Variants in NDRG1 observed in about 807,000 individuals in gnomAD.
The protein encoded by NDRG1 is protein NDRG1.
A neutral mutation model predicts 56.9 loss-of-function variants in NDRG1; 32 were observed. The observed-to-expected ratio is 0.56, with a 90% CI of 0.42 to 0.76. NDRG1 has a LOEUF of 0.76. NDRG1 is among the 30% of genes least tolerant of loss of function. The pLI is 0.00. For synonymous variants in NDRG1, 211 were observed against 204.1 expected, an observed-to-expected ratio of 1.03 and a Z score of -0.29; for missense variants, 507 against 545.7, an observed-to-expected ratio of 0.93 and a Z score of 0.71.
chr8:133,281,382 TTTC>T (rs1186785575), intron 2 of NDRG1, among the ~76,000 whole-genome samples: 1 of 148,192 alleles, frequency 6.7e-6, no homozygotes, highest in Non-Finnish European at 1.5e-5. Context: ...AAAATCTGAG[TTTC>T]AGCCCAAATT....
intron 3 of NDRG1, among the ~76,000 whole-genome samples, chr8:133,265,633 C>CT (rs1856880235): frequency 6.6e-6 from 1 of 152,118 alleles, no homozygotes; most frequent in African/African-American, 2.4e-5. Context: ...CCAGTCATCC[C>CT]TGCACCTCTC....
chr8:133,288,935 C>G (rs550352685), intron 1 of NDRG1, among the ~76,000 whole-genome samples: 2 of 152,334 alleles, frequency 1.3e-5, no homozygotes, highest in African/African-American at 4.8e-5. Flanking sequence ...TTCCCATCCA[C>G]CTGCCTGGGA....
At chr8:133,278,871 T>C (rs1488987747) in intron 3 of NDRG1, among the ~76,000 whole-genome samples, 1 of 149,038 alleles carries the variant, frequency 6.7e-6, no homozygotes, top group African/African-American at 2.5e-5. Flanking sequence ...CACTTCCCAG[T>C]GCTGTCTCTC....
At position 133,256,840 on chromosome 8, in the gene NDRG1, C is replaced by T; in HGVS notation, c.474G>A (p.Glu158=). 6.2e-7 allele frequency: 1 copy of T among 1,614,180 alleles called. No homozygotes were observed. Among genetic ancestry groups the T allele is most frequent in the Non-Finnish European group, 8.5e-7 (1 of 1,180,028 alleles). The stretch of plus-strand genomic sequence containing the variant: ...GGTTCACGTTGATAAGGACAAGGCC[C>T]TCCACCATCTCAGGGTTGTTTAGCT... ...RFALNNPEMV[E]GLVLINVNPC... Residue 158 remains glutamate (E), a synonymous_variant, in exon 8 of 16, where the codon GAG becomes GAA. Transcript: ENST00000323851.
intron 3 of NDRG1, among the ~76,000 whole-genome samples, chr8:133,265,457 G>A (rs1369144049): frequency 3.3e-5 from 5 of 152,102 alleles, no homozygotes; most frequent in Admixed American, 2.6e-4. Context: ...TCAGTTACAC[G>A]GCCCACCAAC....
intron 4 of NDRG1, among the ~76,000 whole-genome samples, chr8:133,264,066 A>C (rs989664595): frequency 6.6e-6 from 1 of 152,194 alleles, no homozygotes; most frequent in Non-Finnish European, 1.5e-5. Context: ...GCACTAAGAA[A>C]GAAGCCAGTT....
At chr8:133,241,885 C>T (rs2130666901) in intron 15 of NDRG1, 138 bp downstream of exon 15, 2 of 971,284 alleles carry the variant, frequency 2.1e-6, no homozygotes, top group South Asian at 1.3e-5. Context: ...GCCCTCCACA[C>T]ACCTAACTGT....
chr8:133,271,080 AG>A (rs2130762913), intron 3 of NDRG1, among the ~76,000 whole-genome samples: 1 of 152,270 alleles, frequency 6.6e-6, no homozygotes, highest in East Asian at 1.9e-4. Flanking sequence ...GATGATCCGG[AG>A]GGGCTCTGGA....
At position 133,238,915 on chromosome 8, in the gene NDRG1, T is replaced by C; in HGVS notation, c.1148A>G (p.Asn383Ser). 1.9e-6 allele frequency: 3 copies of C among 1,561,940 alleles called. No individual in the cohort carries two copies. Among genetic ancestry groups the C allele is most frequent in the Non-Finnish European group, 8.7e-7 (1 of 1,153,554 alleles). ...CTCCATGGACTTGGGCCCGGCGCTGTTCCCAGCAGCACCCGAGTTGGGGGT... is the reference window on the plus strand; with the variant it reads ...CTCCATGGACTTGGGCCCGGCGCTGCTCCCAGCAGCACCCGAGTTGGGGGT... ...DITPNSGAAG[N>S]SAGPKSMEVS... The change falls in exon 16 of 16, where the codon AAC becomes AGC. Residue 383 changes from asparagine (N) to serine (S), a missense_variant. Coordinates refer to ENST00000323851, the MANE Select transcript of NDRG1 (RefSeq NM_006096.4).
intron 1 of NDRG1, chr8:133,284,834 C>T (rs776866058): frequency 2.4e-5 from 11 of 456,732 alleles, no homozygotes; most frequent in Non-Finnish European, 4.8e-5. Flanking sequence ...CACAGACACA[C>T]AGGCACACGC....
intron 9 of NDRG1, among the ~76,000 whole-genome samples, chr8:133,253,658 C>T (rs1226271996): frequency 6.6e-6 from 1 of 152,194 alleles, no homozygotes; most frequent in Non-Finnish European, 1.5e-5. Flanking sequence ...CAAACTGTTG[C>T]ACATACATAA....
chr8:133,249,927 T>C (rs1040152840), intron 10 of NDRG1, among the ~76,000 whole-genome samples: 5 of 152,184 alleles, frequency 3.3e-5, no homozygotes, highest in African/African-American at 7.2e-5. Flanking sequence ...CTGACACCAA[T>C]GGCCCTGAGC....
chr8:133,262,204 T>A (rs1327406568), intron 4 of NDRG1, 37 bp from the exon 5 acceptor site: 3 of 1,613,398 alleles, frequency 1.9e-6, no homozygotes, highest in Admixed American at 3.3e-5. Flanking sequence ...GAGAAAAAAG[T>A]AAGATGAGAA....
chr8:133,258,065 G>A (rs894042703), intron 7 of NDRG1, among the ~76,000 whole-genome samples: 2 of 152,128 alleles, frequency 1.3e-5, no homozygotes, highest in African/African-American at 4.8e-5. Context: ...CTGTACAGCT[G>A]TTACAAAGCA....
chr8:133,284,827 A>T lies in NDRG1; in HGVS notation c.-18-498T>A, dbSNP rs1447852386. ...CAGAAGGTTGGTGATGCAGACGCACAGACACACAGGCACACGCATGCGCGT... is the reference window on the plus strand; with the variant it reads ...CAGAAGGTTGGTGATGCAGACGCACTGACACACAGGCACACGCATGCGCGT... On this transcript the variant is annotated intron_variant, in intron 1 of 15. Transcript: ENST00000323851. 4 of 456,822 alleles carry T rather than the reference A, an allele frequency of 8.8e-6. No individual in the cohort carries two copies. The East Asian group carries it at 2.8e-4, about 32-fold the overall frequency. 28.3% of individuals were successfully genotyped at this position (456,822 alleles called of 1,614,324 possible).
At position 133,250,668 on chromosome 8, in the gene NDRG1, G is replaced by A. The variant is rs1855967172; in HGVS notation, c.595-125C>T. ...ATAATAATGCCTAATCCACAAGACA[G>A]CGACGGACCTAAAAAAAAAACCTTT... On this transcript the variant is annotated intron_variant, in intron 9 of 15. Transcript: ENST00000323851. 3 of 840,926 alleles carry A rather than the reference G, an allele frequency of 3.6e-6. No individual in the cohort carries two copies. The Admixed American group carries it at 6.1e-5, about 17-fold the overall frequency. The allele number at this position is 840,926 out of a possible 1,614,324, so 52.1% of individuals were successfully genotyped here.
At chr8:133,275,899 G>A (rs1456317244) in intron 3 of NDRG1, among the ~76,000 whole-genome samples, 2 of 152,076 alleles carry the variant, frequency 1.3e-5, no homozygotes, top group Non-Finnish European at 1.5e-5. Context: ...TTCTGTGCTC[G>A]GCAGTGCTGA....
chr8:133,281,469 C>A (rs531401772), intron 2 of NDRG1, among the ~76,000 whole-genome samples: 1 of 152,252 alleles, frequency 6.6e-6, no homozygotes, highest in Non-Finnish European at 1.5e-5. Flanking sequence ...CCCCTCTGGC[C>A]TGGTGAAAGT....
intron 5 of NDRG1, 111 bp downstream of exon 5, chr8:133,261,936 C>A (rs1040390764): frequency 7.2e-7 from 1 of 1,396,348 alleles, no homozygotes; most frequent in Non-Finnish European, 9.6e-7. Context: ...TAAGATGATA[C>A]GTTTTATATT....
Sources: gnomAD v4.1 joint callset for allele counts (sites outside exome capture counted in the v4.1 genomes callset) on GRCh38, gnomAD v4.1.1 for gene constraint, MANE v1.5 for transcripts, NCBI Gene and HGNC (gene_info 2026-07-23, HGNC 2026-07-21) for gene names.